PILRA: variants seen among roughly 807,000 people sequenced by gnomAD.
PILRA encodes paired immunoglobulin-like type 2 receptor alpha.
Under a neutral mutation model 33.1 loss-of-function variants are expected in PILRA, and 37 were observed. The observed-to-expected ratio is 1.12, with a 90% CI of 0.86 to 1.47. The LOEUF (loss-of-function observed/expected upper bound fraction) is 1.47. Among genes scored for constraint, PILRA ranks in the 40% most tolerant of loss-of-function variants. PILRA has a pLI of 0.00. For missense variants in PILRA, 312 were observed against 376.2 expected, an observed-to-expected ratio of 0.83 and a Z score of 1.41; for synonymous variants, 146 against 149.9, an observed-to-expected ratio of 0.97 and a Z score of 0.19.
chr7:100,390,135 A>G, intron 3 of PILRA, 29 bp downstream of exon 3: 1 of 1,586,928 alleles, frequency 6.3e-7, no homozygotes, highest in Non-Finnish European at 8.7e-7. Context: ...CCCTCTCCCC[A>G]AGCCTCCCAT....
chr7:100,377,667 C>T (rs1257041191), intron 2 of PILRA, among the ~76,000 whole-genome samples: 1 of 151,970 alleles, frequency 6.6e-6, no homozygotes, highest in East Asian at 1.9e-4. Context: ...TGCTTGAACC[C>T]GGGAGTCAGA....
At chr7:100,399,096 G>A (rs979767016) in intron 4 of PILRA, among the ~76,000 whole-genome samples, 195 bp from the exon 5 acceptor site, 2 of 151,922 alleles carry the variant, frequency 1.3e-5, no homozygotes, top group Admixed American at 1.3e-4. Context: ...ACACCACTAC[G>A]TCTGGCTAGT....
intron 3 of PILRA, among the ~76,000 whole-genome samples, chr7:100,391,976 T>C (rs1791397896): frequency 6.6e-6 from 1 of 152,126 alleles, no homozygotes; most frequent in African/African-American, 2.4e-5. Flanking sequence ...CACCCCAACA[T>C]CCTCCAAACC....
At chr7:100,385,788 C>A (rs558944347) in intron 2 of PILRA, among the ~76,000 whole-genome samples, 1 of 152,020 alleles carries the variant, frequency 6.6e-6, no homozygotes, top group African/African-American at 2.4e-5. Flanking sequence ...TGCCACCGCA[C>A]CTGGCTAATT....
At position 100,373,571 on chromosome 7, in the gene PILRA, C is replaced by A; in HGVS notation, c.-86C>A. The A allele has an allele frequency of 6.6e-7, 1 of 1,505,040 alleles. No homozygotes were observed. Among genetic ancestry groups the A allele is most frequent in the South Asian group, 1.1e-5 (1 of 88,818 alleles). 93.2% of individuals were successfully genotyped at this position (1,505,040 alleles called of 1,614,324 possible). A position where few individuals can be genotyped will look rare whatever the true frequency, so the allele number is the denominator to read the frequency against. On this transcript the variant is annotated 5_prime_UTR_variant, in exon 1 of 7. Coordinates refer to ENST00000198536, the MANE Select transcript of PILRA (RefSeq NM_013439.3). ...TGAGCCCGGCTCTCCTCACTCACCTCAACCCCCAGGCGGCCCCTCCACAGG... is the reference window on the plus strand; with the variant it reads ...TGAGCCCGGCTCTCCTCACTCACCTAAACCCCCAGGCGGCCCCTCCACAGG...
intron 3 of PILRA, among the ~76,000 whole-genome samples, chr7:100,390,639 G>C (rs964541690): frequency 3.3e-5 from 5 of 152,196 alleles, no homozygotes; most frequent in Admixed American, 2.6e-4. Flanking sequence ...AATAAGGGTG[G>C]GAAGAAGGAG....
At chr7:100,371,656 G>A (rs1301529184), upstream of PILRA, among the ~76,000 whole-genome samples, 1 of 152,186 alleles carries the variant, frequency 6.6e-6, no homozygotes, top group Non-Finnish European at 1.5e-5. Context: ...CCTGCACTAA[G>A]GGGCTGCATT....
upstream of PILRA, among the ~76,000 whole-genome samples, chr7:100,372,880 G>A (rs1445697446): frequency 2.0e-5 from 3 of 151,856 alleles, no homozygotes; most frequent in Non-Finnish European, 4.4e-5. Context: ...AGGGCGGGAC[G>A]TCAGAGGGGA....
At chr7:100,383,194 G>A (rs140620919) in intron 2 of PILRA, among the ~76,000 whole-genome samples, 7 of 152,240 alleles carry the variant, frequency 4.6e-5, no homozygotes, top group East Asian at 3.9e-4. Context: ...AGTCAGGGAC[G>A]GGGAGGTACC....
At chr7:100,372,868 G>A (rs745579651), upstream of PILRA, among the ~76,000 whole-genome samples, 2 of 151,878 alleles carry the variant, frequency 1.3e-5, no homozygotes, top group African/African-American at 2.4e-5. Flanking sequence ...CCCCTCCTGT[G>A]TAGGGCGGGA....
At chr7:100,390,197 G>A (rs1791358647) in intron 3 of PILRA, 91 bp downstream of exon 3, 2 of 1,141,284 alleles carry the variant, frequency 1.8e-6, no homozygotes, top group Non-Finnish European at 2.6e-6. Context: ...GAAATATGCA[G>A]ACCCTGCTGG....
intron 2 of PILRA, among the ~76,000 whole-genome samples, chr7:100,376,621 C>T (rs1396455677): frequency 6.6e-6 from 1 of 150,800 alleles, no homozygotes; most frequent in Non-Finnish European, 1.5e-5. Context: ...GCTAGAATTA[C>T]AGGCACCCAC....
chr7:100,382,537 C>G (rs1328423400), intron 2 of PILRA, among the ~76,000 whole-genome samples: 23 of 152,144 alleles, frequency 1.5e-4, no homozygotes, highest in Non-Finnish European at 2.9e-4. Flanking sequence ...ATGCAACAAT[C>G]AGCACCCTGT....
chr7:100,382,025 T>A (rs1159120022), intron 2 of PILRA, among the ~76,000 whole-genome samples: 1 of 23,164 alleles, frequency 4.3e-5, no homozygotes, highest in East Asian at 8.7e-4. Flanking sequence ...CCCACCCCCG[T>A]AGGCTCCAGC....
upstream of PILRA, among the ~76,000 whole-genome samples, chr7:100,372,070 C>G (rs1282237503): frequency 6.6e-6 from 1 of 152,174 alleles, no homozygotes; most frequent in South Asian, 2.1e-4. Flanking sequence ...GCCACCCTCT[C>G]GAGGCCCTGC....
chr7:100,381,931 C>G (rs941047358), intron 2 of PILRA, among the ~76,000 whole-genome samples: 1 of 152,216 alleles, frequency 6.6e-6, no homozygotes, highest in Non-Finnish European at 1.5e-5. Flanking sequence ...TGCTCGATTT[C>G]TCGCCAGGCC....
intron 2 of PILRA, among the ~76,000 whole-genome samples, chr7:100,388,101 C>G (rs190370401): frequency 6.2e-4 from 95 of 152,188 alleles, no homozygotes; most frequent in African/African-American, 2.2e-3. Flanking sequence ...ATATGTATTA[C>G]TCTAGTTTTT....
At chr7:100,381,533 G>A (rs549491281) in intron 2 of PILRA, among the ~76,000 whole-genome samples, 3 of 152,232 alleles carry the variant, frequency 2.0e-5, no homozygotes, top group East Asian at 1.9e-4. Flanking sequence ...TTACTTTTGA[G>A]TGTGGGAATA....
chr7:100,377,797 C>T (rs959483233), intron 2 of PILRA, among the ~76,000 whole-genome samples: 2 of 152,060 alleles, frequency 1.3e-5, no homozygotes, highest in African/African-American at 4.8e-5. Flanking sequence ...ATGGCATAAA[C>T]AACTAAATTG....
Sources: allele counts gnomAD v4.1 joint callset (sites outside exome capture counted in the v4.1 genomes callset), GRCh38; gene constraint gnomAD v4.1.1; transcripts MANE v1.5; gene names NCBI Gene and HGNC (gene_info 2026-07-23, HGNC 2026-07-21).